RUSC2: variants seen among roughly 807,000 people sequenced by gnomAD.
RUSC2 encodes RUN and SH3 domain containing 2, also known as AP-4 complex accessory subunit RUSC2.
RUSC2 carries 34 observed loss-of-function variants against 122.2 expected under a neutral mutation model. The observed-to-expected ratio is 0.28, with a 90% CI of 0.21 to 0.37. RUSC2 has a LOEUF of 0.37. Ranked by LOEUF, RUSC2 falls within the 10% of genes least tolerant of loss-of-function variation. The pLI is 1.00. For synonymous variants in RUSC2, 784 were observed against 790.0 expected, an observed-to-expected ratio of 0.99 and a Z score of 0.13; for missense variants, 1,747 against 1,952.4, an observed-to-expected ratio of 0.89 and a Z score of 1.98.
intron 1 of RUSC2, among the ~76,000 whole-genome samples, chr9:35,491,918 A>G (rs1242316265): frequency 2.0e-5 from 3 of 152,174 alleles, no homozygotes; most frequent in Admixed American, 6.5e-5. Context: ...TGTTGCAGTG[A>G]GCTGAGATCA....
intron 1 of RUSC2, among the ~76,000 whole-genome samples, chr9:35,498,857 CAAAAA>C (rs932584560): frequency 2.1e-5 from 3 of 144,570 alleles, no homozygotes; most frequent in African/African-American, 5.1e-5. Flanking sequence ...AAAAAAAAAA[CAAAAA>C]AAGAAAAAAG....
At chr9:35,531,788 G>A (rs1821422562) in intron 1 of RUSC2, among the ~76,000 whole-genome samples, 2 of 152,230 alleles carry the variant, frequency 1.3e-5, no homozygotes, top group Non-Finnish European at 2.9e-5. Flanking sequence ...CACTTTGGGA[G>A]GCCAAGGCAG....
intron 1 of RUSC2, among the ~76,000 whole-genome samples, chr9:35,527,404 A>G (rs1821344844): frequency 6.6e-6 from 1 of 151,954 alleles, no homozygotes; most frequent in African/African-American, 2.4e-5. Context: ...GCCTCAAGCA[A>G]TCCTCCTGCC....
chr9:35,552,154 A>G (rs371106669), intron 2 of RUSC2, among the ~76,000 whole-genome samples: 15 of 152,212 alleles, frequency 9.9e-5, no homozygotes, highest in African/African-American at 3.6e-4. Flanking sequence ...TGAGGCCAGG[A>G]GTTCGAGACC....
chr9:35,529,018 C>A (rs1343603904), intron 1 of RUSC2, among the ~76,000 whole-genome samples: 1 of 151,906 alleles, frequency 6.6e-6, no homozygotes, highest in Non-Finnish European at 1.5e-5. Flanking sequence ...ATTGAATATA[C>A]CTTGTATACC....
At chr9:35,493,341 T>G (rs2132482117) in intron 1 of RUSC2, among the ~76,000 whole-genome samples, 1 of 152,302 alleles carries the variant, frequency 6.6e-6, no homozygotes, top group South Asian at 2.1e-4. Context: ...TGCATAGTAT[T>G]CCATGGTGTA....
Position 35,555,869 on chromosome 9 carries a change from A to G in RUSC2, c.2657-83A>G. The G allele has an allele frequency of 6.6e-7, 1 of 1,514,728 alleles. No homozygotes were observed. The highest frequency in any genetic ancestry group is 9.0e-7 in the Non-Finnish European group (1 of 1,114,434). The allele number at this position is 1,514,728 out of a possible 1,614,324, so 93.8% of individuals were successfully genotyped here. ...ATCCACAGATAATCTAGTGTTTCAT[A>G]TGGGCCCACTGGGTGGATGTGAAAC... On this transcript the variant is annotated intron_variant, in intron 3 of 11. Transcript: ENST00000361226. This position sits in a 1 kb window ranked among gnomAD's most constrained non-coding sequence, Gnocchi z 4.6.
intron 1 of RUSC2, among the ~76,000 whole-genome samples, chr9:35,508,434 A>G (rs1252409157): frequency 6.6e-6 from 1 of 152,190 alleles, no homozygotes; most frequent in East Asian, 1.9e-4. Context: ...CCATGCTCTG[A>G]CCTAAGGATG....
chr9:35,546,545 T>G lies in RUSC2; in HGVS notation c.24T>G (p.Thr8=), dbSNP rs1488809353. The change falls in exon 2 of 12, where the codon ACT becomes ACG. Residue 8 remains threonine (T), a synonymous_variant. Coordinates refer to ENST00000361226, the MANE Select transcript of RUSC2 (RefSeq NM_014806.5). This position sits in a 1 kb window ranked among gnomAD's most constrained non-coding sequence, Gnocchi z 4.3. ...GAATGGATAGTCCCCCAAAGCTGAC[T>G]GGAGAGACCCTCATCGTTCATCACA... MDSPPKL[T]GETLIVHHIP... is the part of the protein sequence containing the mutation. The G allele has an allele frequency of 2.7e-6, 4 of 1,471,002 alleles. No individual in the cohort carries two copies. The highest frequency in any genetic ancestry group is 2.7e-6 in the Non-Finnish European group (3 of 1,109,786). The allele number at this position is 1,471,002 out of a possible 1,614,324, so 91.1% of individuals were successfully genotyped here. A position where few individuals can be genotyped will look rare whatever the true frequency, so the allele number is the denominator to read the frequency against.
At chr9:35,522,658 A>T (rs905440357) in intron 1 of RUSC2, among the ~76,000 whole-genome samples, 6 of 152,214 alleles carry the variant, frequency 3.9e-5, no homozygotes, top group African/African-American at 1.4e-4. Flanking sequence ...TTGCTTGATT[A>T]ATTGGCTCAC....
At chr9:35,500,214 A>T (rs1324095697) in intron 1 of RUSC2, among the ~76,000 whole-genome samples, 1 of 152,088 alleles carries the variant, frequency 6.6e-6, no homozygotes, top group Non-Finnish European at 1.5e-5. Context: ...CAAAAGAAAG[A>T]GGTTTAAAGG....
chr9:35,537,709 T>G (rs995265438), intron 1 of RUSC2, among the ~76,000 whole-genome samples: 2 of 152,254 alleles, frequency 1.3e-5, no homozygotes, highest in Non-Finnish European at 2.9e-5. Flanking sequence ...TCTTGGCCAG[T>G]GGTTTCTCCA....
chr9:35,494,733 A>T (rs1392781677), intron 1 of RUSC2, among the ~76,000 whole-genome samples: 1 of 151,150 alleles, frequency 6.6e-6, no homozygotes, highest in African/African-American at 2.4e-5. Flanking sequence ...CTCCTATTCC[A>T]TGGATTGCCT....
At position 35,555,599 on chromosome 9, in the gene RUSC2, G is replaced by A. The variant is rs1821998234; in HGVS notation, c.2554G>A (p.Gly852Arg). 5 of 1,613,568 alleles carry A rather than the reference G, an allele frequency of 3.1e-6. No homozygotes were observed. In the African/African-American group the frequency reaches 4.0e-5, roughly 13 times the overall value. The change falls in exon 3 of 12, where the codon GGA (glycine) becomes AGA (arginine). Residue 852 changes from glycine to arginine, a missense_variant. By Grantham distance (125) the Gly-to-Arg change is moderately radical. Transcript: ENST00000361226. The surrounding 1 kb of genome is among the most constrained non-coding windows in gnomAD (Gnocchi z 4.6). ...GACTGAGTACCGGCTCCATGGAACA[G>A]GAAGCTTGCCGCCTCTGGGCTCCTG... ...TLTEYRLHGT[G>R]SLPPLGSWRS...
At chr9:35,510,256 A>T (rs71521273) in intron 1 of RUSC2, among the ~76,000 whole-genome samples, 2,833 of 152,310 alleles carry the variant, frequency 0.019, 42 homozygotes, top group Non-Finnish European at 0.026. Flanking sequence ...TCACACCTGT[A>T]ATTCCAGAAC....
At chr9:35,533,131 C>T (rs984261306) in intron 1 of RUSC2, among the ~76,000 whole-genome samples, 4 of 152,038 alleles carry the variant, frequency 2.6e-5, no homozygotes, top group African/African-American at 9.7e-5. Context: ...CCTGTAATCC[C>T]AGCTACTCGA....
At chr9:35,516,789 A>G (rs925590542) in intron 1 of RUSC2, among the ~76,000 whole-genome samples, 2 of 152,224 alleles carry the variant, frequency 1.3e-5, no homozygotes, top group African/African-American at 2.4e-5. Flanking sequence ...GTAGGAGTCA[A>G]TCAGCAAATT....
In RUSC2 at chr9:35,547,495, A is replaced by G; in HGVS notation, c.974A>G (p.Gln325Arg). Residue 325 changes from glutamine (Q) to arginine (R), a missense_variant, in exon 2 of 12, where the codon CAG (glutamine) becomes CGG (arginine). Transcript: ENST00000361226. This position sits in a 1 kb window ranked among gnomAD's most constrained non-coding sequence, Gnocchi z 4.6. The part of the protein sequence containing the change: ...SDPGAFYLDL[Q>R]PSPFESKMSY... ...CCTGGCGCCTTCTATCTGGATCTGC[A>G]GCCCTCCCCATTTGAGTCTAAGATG... The G allele has an allele frequency of 6.2e-7, 1 of 1,614,176 alleles. No homozygotes were observed. Among genetic ancestry groups the G allele is most frequent in the South Asian group, 1.1e-5 (1 of 91,080 alleles).
In RUSC2 at chr9:35,561,345, C is replaced by T. The variant is rs369480606; in HGVS notation, c.4514C>T (p.Pro1505Leu). The stretch of plus-strand genomic sequence containing the variant: ...CCCCTGGCCTACGTGACATTGACCC[C>T]AACTCCAAGTCCAACCCCTGGAAGC... Reference protein sequence around the residue: ...LVPLAYVTLTPTPSPTPGSSQ... With the variant: ...LVPLAYVTLTLTPSPTPGSSQ... The change falls in exon 12 of 12, where the codon CCA (proline) becomes CTA (leucine). Residue 1505 changes from proline (P) to leucine (L), a missense_variant. Coordinates refer to ENST00000361226, the MANE Select transcript of RUSC2 (RefSeq NM_014806.5). 1.3e-4 allele frequency: 210 copies of T among 1,613,832 alleles called. 1 individual carries two copies. Among genetic ancestry groups the T allele is most frequent in the Admixed American group, 9.0e-4 (54 of 59,962 alleles).
Sources: gnomAD v4.1 joint callset for allele counts (sites outside exome capture counted in the v4.1 genomes callset) on GRCh38, gnomAD v4.1.1 for gene constraint, Gnocchi (gnomAD v3.1) non-coding constraint, MANE v1.5 for transcripts, NCBI Gene and HGNC (gene_info 2026-07-23, HGNC 2026-07-21) for gene names.